The following CREB5 variants were observed in gnomAD, a reference collection of about 807,000 sequenced individuals.
The protein encoded by CREB5 is cyclic AMP-responsive element-binding protein 5.
CREB5 carries 19 observed loss-of-function variants against 57.1 expected under a neutral mutation model. The ratio of observed to expected loss-of-function variants is 0.33; its 90% CI spans 0.23 to 0.49. The LOEUF (loss-of-function observed/expected upper bound fraction) is 0.49. CREB5 is among the 20% of genes least tolerant of loss of function. CREB5 has a pLI of 0.99. For missense variants in CREB5, 579 were observed against 671.6 expected, an observed-to-expected ratio of 0.86 and a Z score of 1.52; for synonymous variants, 238 against 238.3, an observed-to-expected ratio of 1.00 and a Z score of 0.01.
At chr7:28,464,873 C>T (rs750486083) in intron 1 of CREB5, among the ~76,000 whole-genome samples, 1 of 152,080 alleles carries the variant, frequency 6.6e-6, no homozygotes, top group Non-Finnish European at 1.5e-5. Context: ...ACTTAACATA[C>T]GTAGCTGTTA....
intron 7 of CREB5, among the ~76,000 whole-genome samples, chr7:28,763,028 C>G (rs1020344683): frequency 6.6e-6 from 1 of 152,062 alleles, no homozygotes; most frequent in African/African-American, 2.4e-5. Flanking sequence ...GGAGCTTTAC[C>G]AAAAAATTGG....
At chr7:28,695,167 C>T (rs1041163326) in intron 5 of CREB5, among the ~76,000 whole-genome samples, 4 of 151,916 alleles carry the variant, frequency 2.6e-5, no homozygotes, top group East Asian at 1.9e-4. Context: ...TTCCAGGCTG[C>T]AGTGAGTCAT....
At chr7:28,670,145 C>A (rs1318028516) in intron 5 of CREB5, among the ~76,000 whole-genome samples, 1 of 152,136 alleles carries the variant, frequency 6.6e-6, no homozygotes, top group African/African-American at 2.4e-5. Flanking sequence ...CATACCGAAC[C>A]CTCTATATAC....
intron 5 of CREB5, among the ~76,000 whole-genome samples, chr7:28,717,250 C>G (rs10951202): frequency 0.56 from 84,392 of 151,530 alleles, 24,077 homozygotes; most frequent in Admixed American, 0.66. Context: ...ATAGAGACAG[C>G]GTTTCACCGT....
At chr7:28,461,527 T>C (rs139178885) in intron 1 of CREB5, among the ~76,000 whole-genome samples, 1 of 152,308 alleles carries the variant, frequency 6.6e-6, no homozygotes, top group Admixed American at 6.5e-5. Context: ...TTTCTATTAA[T>C]TCATCATGAG....
intron 8 of CREB5, among the ~76,000 whole-genome samples, chr7:28,807,879 A>AAAG (rs1408068450): frequency 6.6e-6 from 1 of 152,186 alleles, no homozygotes; most frequent in Non-Finnish European, 1.5e-5. Flanking sequence ...CATATAAAGA[A>AAAG]AAGAGTCAGG....
At chr7:28,435,571 C>A in intron 1 of CREB5, 1 of 928,734 alleles carries the variant, frequency 1.1e-6, no homozygotes, top group Non-Finnish European at 1.3e-6. Context: ...TCATCTTCAT[C>A]AGGAGAAACA....
At chr7:28,484,620 C>T (rs182692358) in intron 1 of CREB5, among the ~76,000 whole-genome samples, 11 of 152,256 alleles carry the variant, frequency 7.2e-5, no homozygotes, top group East Asian at 1.9e-4. Context: ...TCCAGTATTA[C>T]GTTGCTAAAA....
At chr7:28,382,257 T>C (rs1198713928) in intron 1 of CREB5, among the ~76,000 whole-genome samples, 1 of 152,030 alleles carries the variant, frequency 6.6e-6, no homozygotes, top group Non-Finnish European at 1.5e-5. Flanking sequence ...TGAGGGCAGA[T>C]TTTCCCCATT....
chr7:28,544,432 A>T (rs1794334672), intron 4 of CREB5, among the ~76,000 whole-genome samples: 1 of 152,184 alleles, frequency 6.6e-6, no homozygotes. Context: ...TTAATATAAT[A>T]ACAGTCTCCT....
At chr7:28,765,128 G>T (rs1028012238) in intron 7 of CREB5, among the ~76,000 whole-genome samples, 4 of 152,088 alleles carry the variant, frequency 2.6e-5, no homozygotes, top group Non-Finnish European at 5.9e-5. Flanking sequence ...ATCTAAAAGG[G>T]TCCCAAAGCA....
At chr7:28,376,031 C>A (rs1271043179) in intron 1 of CREB5, among the ~76,000 whole-genome samples, 1 of 152,158 alleles carries the variant, frequency 6.6e-6, no homozygotes, top group East Asian at 1.9e-4. Flanking sequence ...TTGTCTCCCA[C>A]CATGCCCCTT....
intron 5 of CREB5, among the ~76,000 whole-genome samples, chr7:28,621,741 G>A (rs1797800444): frequency 6.6e-6 from 1 of 152,158 alleles, no homozygotes; most frequent in South Asian, 2.1e-4. Flanking sequence ...CAAGTGTTCT[G>A]TGTGACCCTG....
chr7:28,815,454 A>G (rs1002617430), intron 9 of CREB5, among the ~76,000 whole-genome samples: 1 of 152,228 alleles, frequency 6.6e-6, no homozygotes, highest in Non-Finnish European at 1.5e-5. Context: ...TTCATAGACT[A>G]AATGCCACCA....
chr7:28,671,194 C>A (rs868038944), intron 5 of CREB5, among the ~76,000 whole-genome samples: 3 of 151,326 alleles, frequency 2.0e-5, no homozygotes, highest in African/African-American at 7.3e-5. Context: ...AGGTCAAGGC[C>A]GCAGTGAGCC....
intron 1 of CREB5, among the ~76,000 whole-genome samples, chr7:28,457,023 A>G (rs1332569850): frequency 6.6e-6 from 1 of 152,234 alleles, no homozygotes; most frequent in African/African-American, 2.4e-5. Flanking sequence ...GCTACTTAGT[A>G]ATATAGCAGA....
intron 3 of CREB5, among the ~76,000 whole-genome samples, chr7:28,503,897 C>A (rs1218027975): frequency 1.3e-5 from 2 of 151,798 alleles, no homozygotes; most frequent in African/African-American, 4.9e-5. Flanking sequence ...ACCCCCAGAG[C>A]AGAAGGACCA....
chr7:28,560,979 T>TGCGCGTGTGGGC (rs1329236450), intron 4 of CREB5, among the ~76,000 whole-genome samples: 1 of 59,818 alleles, frequency 1.7e-5, no homozygotes, highest in African/African-American at 5.4e-5. Context: ...TGTGCGTGTG[T>TGCGCGTGTGGGC]GCGTGCGTGT....
At chr7:28,326,171 ATC>A (rs1231310148) in intron 1 of CREB5, among the ~76,000 whole-genome samples, 4 of 147,270 alleles carry the variant, frequency 2.7e-5, no homozygotes, top group African/African-American at 9.9e-5. Flanking sequence ...CTATCTATCT[ATC>A]TATCTATCTA....
Sources: allele counts gnomAD v4.1 joint callset (sites outside exome capture counted in the v4.1 genomes callset), GRCh38; gene constraint gnomAD v4.1.1; transcripts MANE v1.5; gene names NCBI Gene and HGNC (gene_info 2026-07-23, HGNC 2026-07-21).